The following SEPTIN14 variants were observed in gnomAD, a reference collection of about 807,000 sequenced individuals.
SEPTIN14 encodes the protein septin 14, also known as septin-14.
A neutral mutation model predicts 53.6 loss-of-function variants in SEPTIN14; 40 were observed. The ratio of observed to expected loss-of-function variants is 0.75; its 90% CI spans 0.58 to 0.97. SEPTIN14 has a LOEUF of 0.97. SEPTIN14 is among the 50% of genes least tolerant of loss of function. The probability of loss-of-function intolerance (pLI) is 0.00; values close to 1 mark genes in which losing one functional copy is unlikely to be tolerated. For synonymous variants in SEPTIN14, 138 were observed against 166.8 expected (o/e 0.83, Z 1.33); for missense variants, 471 against 508.2 (o/e 0.93, Z 0.70).
chr7:55,807,937 G>A (rs1206122839), intron 7 of SEPTIN14, among the ~76,000 whole-genome samples: 1 of 151,940 alleles, frequency 6.6e-6, no homozygotes, highest in East Asian at 1.9e-4. Flanking sequence ...ATGATGAAGA[G>A]GTCAGTTCAT....
At chr7:55,818,737 T>A (rs1327760116) in intron 7 of SEPTIN14, among the ~76,000 whole-genome samples, 5 of 152,224 alleles carry the variant, frequency 3.3e-5, no homozygotes, top group Non-Finnish European at 7.3e-5. Context: ...CATTAGGTAG[T>A]AATGAGTTTA....
intron 9 of SEPTIN14, among the ~76,000 whole-genome samples, chr7:55,803,204 C>T (rs1788552472): frequency 6.6e-6 from 1 of 152,168 alleles, no homozygotes; most frequent in African/African-American, 2.4e-5. Context: ...TCCCAAAGTG[C>T]TGGGATTATA....
chr7:55,823,649 T>C (rs1788934860), intron 6 of SEPTIN14, among the ~76,000 whole-genome samples: 1 of 152,200 alleles, frequency 6.6e-6, no homozygotes, highest in South Asian at 2.1e-4. Flanking sequence ...TGTCACTGGC[T>C]GGAGGTCCCT....
At chr7:55,803,210 T>A (rs555503270) in intron 9 of SEPTIN14, among the ~76,000 whole-genome samples, 28 of 152,324 alleles carry the variant, frequency 1.8e-4, no homozygotes, top group African/African-American at 6.7e-4. Flanking sequence ...AGTGCTGGGA[T>A]TATAGGCGAG....
intron 5 of SEPTIN14, 99 bp from the exon 6 acceptor site, chr7:55,834,685 C>T (rs1789172699): frequency 3.2e-6 from 3 of 945,910 alleles, no homozygotes; most frequent in African/African-American, 3.3e-5. Context: ...CTTTGTCGCC[C>T]AGGCTGGAGT....
At chr7:55,835,066 A>G (rs1728182602) in intron 5 of SEPTIN14, among the ~76,000 whole-genome samples, 1 of 152,182 alleles carries the variant, frequency 6.6e-6, no homozygotes. Context: ...ACTTTTGAAG[A>G]TTGATCTTTT....
chr7:55,810,139 T>C (rs1562707378), intron 7 of SEPTIN14, among the ~76,000 whole-genome samples: 1 of 152,150 alleles, frequency 6.6e-6, no homozygotes, highest in East Asian at 1.9e-4. Context: ...GCCTGTCTTT[T>C]TGATAATAGT....
chr7:55,844,740 T>C (rs188685345), intron 3 of SEPTIN14, 22 bp from the exon 4 acceptor site: 8 of 1,361,688 alleles, frequency 5.9e-6, no homozygotes, highest in Admixed American at 2.0e-5. Flanking sequence ...ATAGAGTCAT[T>C]GTCATAGGGA....
chr7:55,809,491 G>T (rs1253033927), intron 7 of SEPTIN14, among the ~76,000 whole-genome samples: 1 of 151,508 alleles, frequency 6.6e-6, no homozygotes, highest in East Asian at 2.0e-4. Context: ...AAGTAGCTGG[G>T]ATTACAGGAG....
intron 5 of SEPTIN14, among the ~76,000 whole-genome samples, chr7:55,838,113 G>C (rs1008465370): frequency 3.9e-5 from 6 of 152,162 alleles, no homozygotes; most frequent in African/African-American, 1.4e-4. Context: ...TGAATAATTA[G>C]AAAAATTAAT....
At chr7:55,820,823 C>G (rs1788880868) in intron 6 of SEPTIN14, among the ~76,000 whole-genome samples, 1 of 151,922 alleles carries the variant, frequency 6.6e-6, no homozygotes, top group African/African-American at 2.4e-5. Flanking sequence ...ACATGTAATC[C>G]CAGCTACTTG....
At chr7:55,800,987 T>TA (rs1788514010) in intron 9 of SEPTIN14, among the ~76,000 whole-genome samples, 2 of 151,934 alleles carry the variant, frequency 1.3e-5, no homozygotes, top group Admixed American at 1.3e-4. Flanking sequence ...AATTAAAAAT[T>TA]AAAAAATATA....
chr7:55,803,915 G>A (rs1480339203), intron 9 of SEPTIN14, among the ~76,000 whole-genome samples: 1 of 150,326 alleles, frequency 6.7e-6, no homozygotes, highest in Non-Finnish European at 1.5e-5. Context: ...ACGAGGTCAG[G>A]AGATCGAGAT....
intron 7 of SEPTIN14, among the ~76,000 whole-genome samples, chr7:55,808,121 A>G (rs1487108520): frequency 1.3e-5 from 2 of 152,186 alleles, no homozygotes; most frequent in African/African-American, 2.4e-5. Context: ...TCAGTAAGAA[A>G]ATATCAGATT....
chr7:55,857,811 TCTCCTGACCTCGTGATC>T (rs1789670726), intron 2 of SEPTIN14, among the ~76,000 whole-genome samples: 1 of 150,760 alleles, frequency 6.6e-6, no homozygotes, highest in Admixed American at 6.6e-5. Context: ...ATGGTCTCGA[TCTCCTGACCTCGTGATC>T]CGCCCGCCTC....
intron 2 of SEPTIN14, chr7:55,851,036 C>G (rs1789506963): frequency 6.6e-6 from 1 of 152,098 alleles, no homozygotes; most frequent in African/African-American, 2.4e-5. Context: ...AAGATCGCGC[C>G]ATTGCACGCC....
At chr7:55,833,761 G>GA (rs144548557) in intron 6 of SEPTIN14, among the ~76,000 whole-genome samples, 31,054 of 151,726 alleles carry the variant, frequency 0.2, 4,248 homozygotes, top group East Asian at 0.43. Flanking sequence ...TTGATTTGGG[G>GA]AAAAAAACTC....
chr7:55,852,139 C>CAA (rs61390006), intron 2 of SEPTIN14, among the ~76,000 whole-genome samples: 27 of 115,644 alleles, frequency 2.3e-4, no homozygotes, highest in South Asian at 5.3e-4. Context: ...GAGACTCTGT[C>CAA]AAAAAAAAAA....
intron 2 of SEPTIN14, among the ~76,000 whole-genome samples, 187 bp downstream of exon 2, chr7:55,861,756 G>A (rs950298777): frequency 6.6e-6 from 1 of 152,084 alleles, no homozygotes; most frequent in Non-Finnish European, 1.5e-5. Context: ...CAAAAAACAT[G>A]TAACAATTAT....
Sources: allele counts gnomAD v4.1 joint callset (sites outside exome capture counted in the v4.1 genomes callset), GRCh38; gene constraint gnomAD v4.1.1; transcripts MANE v1.5; gene names NCBI Gene and HGNC (gene_info 2026-07-23, HGNC 2026-07-21).